Variants in GYPC observed in about 807,000 individuals in gnomAD.
GYPC encodes the protein glycophorin C (Gerbich blood group), also known as glycophorin-C.
Under a neutral mutation model 12.6 loss-of-function variants are expected in GYPC, and 14 were observed. That is an observed-to-expected ratio of 1.11 (90% CI 0.74 to 1.74). GYPC has a LOEUF of 1.74. Among genes scored for constraint, GYPC ranks in the 40% most tolerant of loss-of-function variants. The pLI, the probability that GYPC is intolerant of heterozygous loss-of-function variation, is 0.00. For synonymous variants in GYPC, 78 were observed against 62.1 expected, an observed-to-expected ratio of 1.26 and a Z score of -1.20; for missense variants, 225 against 172.1, an observed-to-expected ratio of 1.31 and a Z score of -1.72.
chr2:126,669,292 C>A (rs886181907), intron 1 of GYPC, among the ~76,000 whole-genome samples: 1 of 152,166 alleles, frequency 6.6e-6, no homozygotes, highest in African/African-American at 2.4e-5. Flanking sequence ...TGTCCCTGGT[C>A]ATCATCCTGT....
chr2:126,695,986 C>G lies in GYPC; in HGVS notation c.231C>G (p.Leu77=). 1 of 1,614,146 alleles carries G rather than the reference C, an allele frequency of 6.2e-7. No individual in the cohort carries two copies. Among genetic ancestry groups the G allele is most frequent in the South Asian group, 1.1e-5 (1 of 91,080 alleles). ...TGGCCATCGTCCTAGTCTCCCTCCTCTTCGTCATGCTGCGCTACATGTACC... is the reference window on the plus strand; with the variant it reads ...TGGCCATCGTCCTAGTCTCCCTCCTGTTCGTCATGCTGCGCTACATGTACC... ...AAVAIVLVSL[L]FVMLRYMYRH... is the part of the protein sequence containing the mutation. Residue 77 remains leucine (L), a synonymous_variant, in exon 4 of 4, where the codon CTC becomes CTG. Coordinates refer to ENST00000259254, the MANE Select transcript of GYPC (RefSeq NM_002101.5).
intron 2 of GYPC, among the ~76,000 whole-genome samples, chr2:126,692,443 T>G (rs1421843229): frequency 6.6e-6 from 1 of 152,158 alleles, no homozygotes; most frequent in Non-Finnish European, 1.5e-5. Context: ...CTGGGGAGAA[T>G]GACCTCATAG....
In GYPC at chr2:126,685,974, G is replaced by T. The variant is rs1019209187; in HGVS notation, c.50-4281G>T. ...CCCCTCCTTCGAGCCCTCACCCTGTGCCTGAATTCTTCCTTCTTTGCTGGG... is the reference window on the plus strand; with the variant it reads ...CCCCTCCTTCGAGCCCTCACCCTGTTCCTGAATTCTTCCTTCTTTGCTGGG... On this transcript the variant is annotated intron_variant, in intron 1 of 3. Coordinates refer to ENST00000259254, the MANE Select transcript of GYPC (RefSeq NM_002101.5). 3.0e-6 allele frequency: 3 copies of T among 985,224 alleles called. No homozygotes were observed. In the African/African-American group the frequency reaches 5.2e-5, roughly 17 times the overall value. The allele number at this position is 985,224 out of a possible 1,614,324, so 61.0% of individuals were successfully genotyped here. A position where few individuals can be genotyped will look rare whatever the true frequency, so the allele number is the denominator to read the frequency against.
chr2:126,660,532 C>T (rs938255815), intron 1 of GYPC, among the ~76,000 whole-genome samples: 4 of 152,172 alleles, frequency 2.6e-5, no homozygotes, highest in East Asian at 1.9e-4. Context: ...CAGTTTGCAG[C>T]CCTGACAGAT....
intron 3 of GYPC, among the ~76,000 whole-genome samples, chr2:126,694,162 G>A (rs1683570358): frequency 6.6e-6 from 1 of 152,030 alleles, no homozygotes; most frequent in Admixed American, 6.6e-5. Flanking sequence ...TGTATTTATT[G>A]GCCTTTCTCA....
Position 126,696,465 on chromosome 2 carries a change from C to T in GYPC, c.*323C>T. On this transcript the variant is annotated 3_prime_UTR_variant, in exon 4 of 4. Coordinates refer to ENST00000259254, the MANE Select transcript of GYPC (RefSeq NM_002101.5). ...ACATCAGCTCACTGGCAGGAAAGTCCTTGTTGAGGGTGAGGGGGTGCTGGG... is the reference window on the plus strand; with the variant it reads ...ACATCAGCTCACTGGCAGGAAAGTCTTTGTTGAGGGTGAGGGGGTGCTGGG... 2.6e-6 allele frequency: 1 copy of T among 387,556 alleles called. No individual in the cohort carries two copies. The highest frequency in any genetic ancestry group is 6.1e-5 in the East Asian group (1 of 16,480). The allele number at this position is 387,556 out of a possible 1,614,324, so 24.0% of individuals were successfully genotyped here. A position where few individuals can be genotyped will look rare whatever the true frequency, so the allele number is the denominator to read the frequency against.
At chr2:126,660,952 G>C (rs1449780071) in intron 1 of GYPC, among the ~76,000 whole-genome samples, 4 of 152,072 alleles carry the variant, frequency 2.6e-5, no homozygotes, top group Non-Finnish European at 4.4e-5. Context: ...TCTTGGCCTG[G>C]GGTTTTCTTC....
intron 1 of GYPC, among the ~76,000 whole-genome samples, chr2:126,690,052 T>C (rs1243674732): frequency 1.3e-5 from 2 of 152,170 alleles, no homozygotes; most frequent in Non-Finnish European, 2.9e-5. Context: ...AACAGTTCCA[T>C]CCCAGTCAGT....
chr2:126,677,120 C>T (rs910732789), intron 1 of GYPC, among the ~76,000 whole-genome samples: 7 of 151,736 alleles, frequency 4.6e-5, no homozygotes, highest in African/African-American at 1.5e-4. Flanking sequence ...GTGTGTGTGT[C>T]AGTGTGTGTG....
At chr2:126,661,598 G>A (rs771627889) in intron 1 of GYPC, among the ~76,000 whole-genome samples, 9 of 152,018 alleles carry the variant, frequency 5.9e-5, no homozygotes, top group African/African-American at 1.2e-4. Context: ...GATTACAGGC[G>A]TGCACCACCA....
At position 126,682,980 on chromosome 2, in the gene GYPC, G is replaced by A. The variant is rs1340424317; in HGVS notation, c.50-7275G>A. Among the ~76,000 whole-genome samples the A allele has an allele frequency of 1.3e-5, 2 of 152,154 alleles. 1 individual carries two copies. The highest frequency in any genetic ancestry group is 6.3e-3 in the Middle Eastern group (2 of 316). On this transcript the variant is annotated intron_variant, in intron 1 of 3. Transcript: ENST00000259254. ...TGTGTCTGCTGGGGGTCAGGCTGGG[G>A]GAATTGTGGTTCTGCTTTCCTTCAG...
intron 1 of GYPC, chr2:126,675,716 A>G: frequency 2.0e-6 from 2 of 984,038 alleles, no homozygotes; most frequent in South Asian, 4.7e-5. Flanking sequence ...TCTGATCTTC[A>G]GGATCCTTCA....
At chr2:126,681,335 G>C (rs1384432991) in intron 1 of GYPC, among the ~76,000 whole-genome samples, 1 of 151,994 alleles carries the variant, frequency 6.6e-6, no homozygotes, top group East Asian at 1.9e-4. Flanking sequence ...GCATAATACT[G>C]GGTCATATGG....
At chr2:126,666,643 A>G (rs1464567587) in intron 1 of GYPC, among the ~76,000 whole-genome samples, 1 of 151,754 alleles carries the variant, frequency 6.6e-6, no homozygotes. Flanking sequence ...GAGGCTGAAG[A>G]GTCATTGCAA....
At chr2:126,676,606 T>C (rs893004204) in intron 1 of GYPC, among the ~76,000 whole-genome samples, 2 of 152,240 alleles carry the variant, frequency 1.3e-5, no homozygotes, top group African/African-American at 4.8e-5. Context: ...TTATGGCTTC[T>C]TTGCCTTTAA....
At chr2:126,666,040 A>G (rs1053552829) in intron 1 of GYPC, among the ~76,000 whole-genome samples, 2 of 152,136 alleles carry the variant, frequency 1.3e-5, no homozygotes, top group Non-Finnish European at 2.9e-5. Context: ...TCTGAAGAAA[A>G]GGCCTTTCTT....
At chr2:126,690,154 G>C (rs1288417583) in intron 1 of GYPC, 101 bp from the exon 2 acceptor site, 15 of 856,918 alleles carry the variant, frequency 1.8e-5, no homozygotes, top group Non-Finnish European at 2.8e-5. Flanking sequence ...CCCATTCTCA[G>C]AGCTGCTCAC....
chr2:126,671,028 G>T (rs1011301248), intron 1 of GYPC, among the ~76,000 whole-genome samples: 2 of 152,168 alleles, frequency 1.3e-5, no homozygotes, highest in Non-Finnish European at 2.9e-5. Context: ...GGGCCCACCT[G>T]ACCCCATTGC....
intron 1 of GYPC, among the ~76,000 whole-genome samples, chr2:126,662,502 A>G (rs1182737571): frequency 6.6e-6 from 1 of 152,166 alleles, no homozygotes; most frequent in Non-Finnish European, 1.5e-5. Flanking sequence ...TGGATCCACT[A>G]TGAGCTGGCT....
Sources: gnomAD v4.1 joint callset for allele counts (sites outside exome capture counted in the v4.1 genomes callset) on GRCh38, gnomAD v4.1.1 for gene constraint, MANE v1.5 for transcripts, NCBI Gene and HGNC (gene_info 2026-07-23, HGNC 2026-07-21) for gene names.